Variants in IKBKB observed in about 807,000 individuals in gnomAD.
IKBKB encodes inhibitor of nuclear factor kappa-B kinase subunit beta.
IKBKB carries 42 observed loss-of-function variants against 113.6 expected under a neutral mutation model. That is an observed-to-expected ratio of 0.37 (90% CI 0.29 to 0.48). The LOEUF is 0.48. Ranked by LOEUF, IKBKB falls within the 20% of genes least tolerant of loss-of-function variation. The probability of loss-of-function intolerance (pLI) is 0.99; values close to 1 mark genes in which losing one functional copy is unlikely to be tolerated. For synonymous variants in IKBKB, 296 were observed against 361.3 expected (o/e 0.82, Z 2.05); for missense variants, 673 against 939.7 (o/e 0.72, Z 3.71).
At chr8:42,272,012 C>G in intron 1 of IKBKB, 71 bp from the exon 2 acceptor site, 1,998 of 1,329,222 alleles carry the variant, frequency 1.5e-3, no homozygotes, top group Non-Finnish European at 1.9e-3. Context: ...TATCTCTTGC[C>G]TTCTCCATCC....
chr8:42,319,779 A>G lies in IKBKB; in HGVS notation c.1578+133A>G, dbSNP rs866756549. On this transcript the variant is annotated intron_variant, in intron 15 of 21. Transcript: ENST00000520810. ...TGTTCCTCACCATGCTTTGAGCTTA[A>G]CTGGACCAGCTGAAAAGAGGCCAAG... 1.7e-5 allele frequency: 13 copies of G among 771,846 alleles called. 1 individual carries two copies. Among genetic ancestry groups the G allele is most frequent in the South Asian group, 5.8e-5 (3 of 51,730 alleles). The allele number at this position is 771,846 out of a possible 1,614,324, so 47.8% of individuals were successfully genotyped here.
At chr8:42,286,998 G>T (rs1252201483) in intron 2 of IKBKB, among the ~76,000 whole-genome samples, 1 of 152,200 alleles carries the variant, frequency 6.6e-6, no homozygotes, top group Non-Finnish European at 1.5e-5. Context: ...TGGCAGGATC[G>T]GCTCTCAGGC....
Position 42,326,335 on chromosome 8 carries a change from A to G in IKBKB, c.2114+238A>G, listed in dbSNP as rs1013572483. On this transcript the variant is annotated intron_variant, in intron 20 of 21. Transcript: ENST00000520810. Reference sequence around the variant, plus strand: ...TTGGATGACTAACTGCTTAATGAGAACATTGGAAATGCTGGTCAGGCACAT... The same window carrying G: ...TTGGATGACTAACTGCTTAATGAGAGCATTGGAAATGCTGGTCAGGCACAT... The G allele has an allele frequency of 9.7e-6, 5 of 516,858 alleles. No individual in the cohort carries two copies. The African/African-American group carries it at 9.7e-5, about 10-fold the overall frequency. 32.0% of individuals were successfully genotyped at this position (516,858 alleles called of 1,614,324 possible).
intron 5 of IKBKB, among the ~76,000 whole-genome samples, chr8:42,294,993 T>C (rs573024624): frequency 2.6e-4 from 39 of 152,310 alleles, no homozygotes; most frequent in Non-Finnish European, 4.0e-4. Flanking sequence ...TGATTTTTAT[T>C]TTGTTTCTCT....
intron 2 of IKBKB, among the ~76,000 whole-genome samples, chr8:42,275,104 T>A (rs1214902487): frequency 6.6e-6 from 1 of 152,074 alleles, no homozygotes; most frequent in Non-Finnish European, 1.5e-5. Context: ...CTCAAACTCC[T>A]GACTTCAGGC....
chr8:42,300,718 T>C (rs1207998649), intron 5 of IKBKB, among the ~76,000 whole-genome samples: 1 of 152,238 alleles, frequency 6.6e-6, no homozygotes, highest in African/African-American at 2.4e-5. Flanking sequence ...GCACGGCTTC[T>C]GAGGAGGGTG....
chr8:42,307,837 G>A (rs557180696), intron 7 of IKBKB, among the ~76,000 whole-genome samples: 7 of 152,236 alleles, frequency 4.6e-5, no homozygotes, highest in South Asian at 2.1e-4. Context: ...TACCCATCCC[G>A]GAATGTCTTC....
chr8:42,293,363 A>G, intron 4 of IKBKB, 80 bp from the exon 5 acceptor site: 1 of 1,579,284 alleles, frequency 6.3e-7, no homozygotes, highest in East Asian at 2.2e-5. Context: ...CTCTGGTCAC[A>G]TGGGCTGGTA....
chr8:42,318,262 CAAA>C (rs1234811746), intron 12 of IKBKB, among the ~76,000 whole-genome samples: 1 of 120,424 alleles, frequency 8.3e-6, no homozygotes, highest in Non-Finnish European at 1.8e-5. Flanking sequence ...GACCTTGTCT[CAAA>C]AAAAAAAAAA....
intron 4 of IKBKB, among the ~76,000 whole-genome samples, chr8:42,291,831 C>T (rs751346347): frequency 6.6e-6 from 1 of 152,034 alleles, no homozygotes; most frequent in Non-Finnish European, 1.5e-5. Flanking sequence ...ACTTTGGAGG[C>T]TGGGGTGGGA....
In IKBKB at chr8:42,314,336, G is replaced by T. The variant is rs200571498; in HGVS notation, c.707G>T (p.Arg236Leu). ...CATATTTGCAGGCATTCAAAAGTGC[G>T]GCAGAAGAGTGAGGTGGACATTGTT... ...WQPVQWHSKV[R>L]QKSEVDIVVS... is the part of the protein sequence containing the mutation. Residue 236 changes from arginine to leucine, a missense_variant, in exon 9 of 22, where the codon CGG becomes CTG. Coordinates refer to ENST00000520810, the MANE Select transcript of IKBKB (RefSeq NM_001556.3). 1.2e-6 allele frequency: 2 copies of T among 1,613,578 alleles called. No homozygotes were observed. Among genetic ancestry groups the T allele is most frequent in the Non-Finnish European group, 1.7e-6 (2 of 1,179,494 alleles).
chr8:42,329,168 A>G lies in IKBKB; in HGVS notation c.2159A>G (p.Glu720Gly), dbSNP rs1048337571. Residue 720 changes from glutamate to glycine, a missense_variant, in exon 21 of 22, where the codon GAA becomes GGA. Glu to Gly is a moderately conservative substitution (Grantham distance 98). Transcript: ENST00000520810. ...GCACATAACCTCTGCACCCTGCTAG[A>G]AAATGCCATACAGGACACTGTGAGG... ...AEAHNLCTLL[E>G]NAIQDTVREQ... The G allele has an allele frequency of 1.2e-6, 2 of 1,606,520 alleles. No homozygotes were observed. The highest frequency in any genetic ancestry group is 1.7e-6 in the Non-Finnish European group (2 of 1,177,600).
At position 42,321,891 on chromosome 8, in the gene IKBKB, T is replaced by C. The variant is rs1213055673; in HGVS notation, c.1689-5T>C. ...GTCTAGACAGAACTTCTTTGTATATTTTAGAGAGGAGCAAGCAAGGGAGCT... is the reference window on the plus strand; with the variant it reads ...GTCTAGACAGAACTTCTTTGTATATCTTAGAGAGGAGCAAGCAAGGGAGCT... On this transcript the variant is annotated splice_polypyrimidine_tract_variant and splice_region_variant and intron_variant, in intron 16 of 21. Transcript: ENST00000520810. The C allele has an allele frequency of 1.2e-6, 2 of 1,601,496 alleles. No individual in the cohort carries two copies. Among genetic ancestry groups the C allele is most frequent in the African/African-American group, 1.4e-5 (1 of 73,902 alleles).
At chr8:42,298,398 G>GCATC (rs1814373761) in intron 5 of IKBKB, 2 of 985,264 alleles carry the variant, frequency 2.0e-6, no homozygotes, top group Admixed American at 1.2e-4. Flanking sequence ...CTCCTAGCAG[G>GCATC]CATCCAGGAC....
At position 42,288,618 on chromosome 8, in the gene IKBKB, T is replaced by C. The variant is rs1171013915; in HGVS notation, c.106-16T>C. 3 of 1,600,332 alleles carry C rather than the reference T, an allele frequency of 1.9e-6. No individual in the cohort carries two copies. The highest frequency in any genetic ancestry group is 2.2e-5 in the South Asian group (2 of 89,976). On this transcript the variant is annotated splice_polypyrimidine_tract_variant and intron_variant, in intron 2 of 21. Coordinates refer to ENST00000520810, the MANE Select transcript of IKBKB (RefSeq NM_001556.3). ...TGCAGCTCGCTCTGCTGGTCCCCACTGTGCTGTTTCTGTAGGAAACAGGTG... is the reference window on the plus strand; with the variant it reads ...TGCAGCTCGCTCTGCTGGTCCCCACCGTGCTGTTTCTGTAGGAAACAGGTG...
At chr8:42,274,795 C>T (rs866294721) in intron 2 of IKBKB, among the ~76,000 whole-genome samples, 1 of 84,966 alleles carries the variant, frequency 1.2e-5, no homozygotes, top group Admixed American at 1.0e-4. Context: ...CGCCCCCCCC[C>T]CCCCCCGCCA....
At chr8:42,305,040 A>C (rs1816222459) in intron 5 of IKBKB, 147 bp from the exon 6 acceptor site, 3 of 624,934 alleles carry the variant, frequency 4.8e-6, no homozygotes, top group Non-Finnish European at 8.6e-6. Context: ...CTCACGTAGC[A>C]GGGCCCCTGC....
intron 2 of IKBKB, among the ~76,000 whole-genome samples, chr8:42,272,924 A>G (rs923591099): frequency 7.8e-6 from 1 of 127,468 alleles, no homozygotes; most frequent in Admixed American, 9.0e-5. Flanking sequence ...TGGGTAACAG[A>G]GTGAGACTCC....
Position 42,271,448 on chromosome 8 carries a change from TGCCCCGCGTCCCTGCCG to T in IKBKB, c.-39_-23del. 2 of 946,250 alleles carry T rather than the reference TGCCCCGCGTCCCTGCCG, an allele frequency of 2.1e-6. No homozygotes were observed. Among genetic ancestry groups the T allele is most frequent in the Non-Finnish European group, 2.9e-6 (2 of 679,468 alleles). The allele number at this position is 946,250 out of a possible 1,614,324, so 58.6% of individuals were successfully genotyped here. ...TCCCCGCCCCGGGGAGCCCGCCCCCTGCCCCGCGTCCCTGCCGACAGGTGAGTCCCCCTCGTGGGTGC... is the reference window on the plus strand; with the variant it reads ...TCCCCGCCCCGGGGAGCCCGCCCCCTACAGGTGAGTCCCCCTCGTGGGTGC... On this transcript the variant is annotated 5_prime_UTR_variant, in exon 1 of 22. The change abolishes the stop of an existing upstream ORF in the 5' untranslated region. Transcript: ENST00000520810.
Sources: gnomAD v4.1 joint callset for allele counts (sites outside exome capture counted in the v4.1 genomes callset) on GRCh38, gnomAD v4.1.1 for gene constraint, MANE v1.5 for transcripts, NCBI Gene and HGNC (gene_info 2026-07-23, HGNC 2026-07-21) for gene names.